SGCE: variants seen among roughly 807,000 people sequenced by gnomAD.
SGCE encodes epsilon-sarcoglycan.
In SGCE, 26 loss-of-function variants were observed where a neutral mutation model predicts 57.8. The ratio of observed to expected loss-of-function variants is 0.45; its 90% CI spans 0.33 to 0.62. The LOEUF (loss-of-function observed/expected upper bound fraction) is 0.62. Ranked by LOEUF, SGCE falls within the 20% of genes least tolerant of loss-of-function variation. The pLI, the probability that SGCE is intolerant of heterozygous loss-of-function variation, is 0.02. For synonymous variants in SGCE, 183 were observed against 189.5 expected (o/e 0.97, Z 0.28); for missense variants, 468 against 548.6 (o/e 0.85, Z 1.47).
chr7:94,615,365 AATAGATAGATAGATAGATAGATAG>A lies in SGCE; in HGVS notation c.662+3369_662+3392del, dbSNP rs3045711. On this transcript the variant is annotated intron_variant, in intron 5 of 10. Transcript: ENST00000648936. ...CAGAGCAAGACTCTGTCTCAAAATAAATAGATAGATAGATAGATAGATAGATAGATAGATAGATAGATAGATAGA... is the reference window on the plus strand; with the variant it reads ...CAGAGCAAGACTCTGTCTCAAAATAAATAGATAGATAGATAGATAGATAGA... 6.7e-3 allele frequency among the ~76,000 whole-genome samples: 959 copies of A among 142,306 alleles called. 11 individuals carry two copies. Among genetic ancestry groups the A allele is most frequent in the African/African-American group, 0.022 (834 of 37,902 alleles). 93.4% of individuals were successfully genotyped at this position (142,306 alleles called of 152,430 possible).
chr7:94,626,715 C>T (rs1239348567), intron 3 of SGCE: 1 of 151,840 alleles, frequency 6.6e-6, no homozygotes, highest in Non-Finnish European at 1.5e-5. Flanking sequence ...CTGGGACCTC[C>T]AATACATTCT....
At position 94,600,641 on chromosome 7, in the gene SGCE, C is replaced by T; in HGVS notation, c.1037+5G>A. 1 of 1,605,044 alleles carries T rather than the reference C, an allele frequency of 6.2e-7. No homozygotes were observed. The highest frequency in any genetic ancestry group is 8.5e-7 in the Non-Finnish European group (1 of 1,172,304). ...TAATTATCTTATTAGTTTTAAAGTA[C>T]TCACACGCCTTCCCGTCGGCAGCAC... On this transcript the variant is annotated splice_donor_5th_base_variant and intron_variant, in intron 7 of 10. Coordinates refer to ENST00000648936, the MANE Select transcript of SGCE (RefSeq NM_003919.3).
intron 1 of SGCE, among the ~76,000 whole-genome samples, chr7:94,644,340 G>C (rs544687673): frequency 2.0e-5 from 3 of 152,086 alleles, no homozygotes; most frequent in African/African-American, 7.2e-5. Flanking sequence ...GTCTTGTAGC[G>C]GCATGACTAC....
chr7:94,597,178 TTAA>T (rs1197145114), intron 9 of SGCE: 1 of 152,300 alleles, frequency 6.6e-6, no homozygotes, highest in Admixed American at 6.5e-5. Context: ...CCCTGATATA[TTAA>T]TGTTTCAAAA....
intron 5 of SGCE, among the ~76,000 whole-genome samples, chr7:94,608,009 A>G (rs561074825): frequency 3.3e-5 from 5 of 152,204 alleles, no homozygotes; most frequent in Non-Finnish European, 7.3e-5. Flanking sequence ...AATAAAGTCC[A>G]TCACTTTCCT....
chr7:94,600,192 T>C lies in SGCE; in HGVS notation c.1037+454A>G, dbSNP rs560745238. ...TATTTTCATTAATTTACTCCTAAGT[T>C]GGGTTTTAAAAATATATTTTAAACA... On this transcript the variant is annotated intron_variant, in intron 7 of 10. Transcript: ENST00000648936. The C allele has an allele frequency of 2.7e-5, 5 of 186,884 alleles. No homozygotes were observed. In the East Asian group the frequency reaches 7.4e-4, roughly 28 times the overall value. 11.6% of individuals were successfully genotyped at this position (186,884 alleles called of 1,614,324 possible). A position where few individuals can be genotyped will look rare whatever the true frequency, so the allele number is the denominator to read the frequency against.
At chr7:94,588,654 T>G (rs750390305) in intron 10 of SGCE, 35 bp downstream of exon 10, 5 of 1,571,918 alleles carry the variant, frequency 3.2e-6, no homozygotes, top group African/African-American at 2.7e-5. Flanking sequence ...ATTAGATTCA[T>G]TCATAAACAT....
Position 94,586,873 on chromosome 7 carries a change from G to A in SGCE, c.1298-1358C>T, listed in dbSNP as rs1004474944. ...CATAATTATAAAAAAAAATGCTAGG[G>A]TGGTCTCTCTCCCTTTGGCACTTAA... On this transcript the variant is annotated intron_variant, in intron 10 of 10. Coordinates refer to ENST00000648936, the MANE Select transcript of SGCE (RefSeq NM_003919.3). 6.1e-6 allele frequency: 6 copies of A among 985,014 alleles called. No homozygotes were observed. In the African/African-American group the frequency reaches 8.7e-5, roughly 14 times the overall value. The allele number at this position is 985,014 out of a possible 1,614,324, so 61.0% of individuals were successfully genotyped here. A position where few individuals can be genotyped will look rare whatever the true frequency, so the allele number is the denominator to read the frequency against.
chr7:94,613,271 C>T (rs1465469957), intron 5 of SGCE, among the ~76,000 whole-genome samples: 2 of 152,034 alleles, frequency 1.3e-5, no homozygotes, highest in East Asian at 3.9e-4. Flanking sequence ...TGTCTGAGTC[C>T]ATGTGTAATA....
chr7:94,602,597 CAAAG>C (rs893945037), intron 6 of SGCE, among the ~76,000 whole-genome samples: 6 of 149,672 alleles, frequency 4.0e-5, no homozygotes, highest in South Asian at 2.1e-4. Context: ...AAAAAAAAAA[CAAAG>C]AATTGAAACA....
intron 1 of SGCE, among the ~76,000 whole-genome samples, chr7:94,649,798 A>G (rs1433879838): frequency 6.6e-6 from 1 of 152,254 alleles, no homozygotes; most frequent in Non-Finnish European, 1.5e-5. Flanking sequence ...TCTAAGTGTG[A>G]GGCAGAAGTG....
At position 94,646,625 on chromosome 7, in the gene SGCE, C is replaced by A. The variant is rs151320994; in HGVS notation, c.109+9365G>T. 2.6e-5 allele frequency among the ~76,000 whole-genome samples: 4 copies of A among 152,134 alleles called. No homozygotes were observed. The East Asian group carries it at 7.7e-4, about 29-fold the overall frequency. ...GAAAAGCAGAATACAAAACAGTATA[C>A]AGGCACTATAAAATCTAGTGTAATA... On this transcript the variant is annotated intron_variant, in intron 1 of 10. Coordinates refer to ENST00000648936, the MANE Select transcript of SGCE (RefSeq NM_003919.3).
At chr7:94,644,783 T>C (rs1806838697) in intron 1 of SGCE, 3 of 248,894 alleles carry the variant, frequency 1.2e-5, no homozygotes, top group Admixed American at 5.3e-5. Context: ...TCCCTGACCC[T>C]CTACATTTTT....
intron 5 of SGCE, among the ~76,000 whole-genome samples, chr7:94,609,996 C>T (rs963625049): frequency 6.6e-6 from 1 of 152,116 alleles, no homozygotes; most frequent in Non-Finnish European, 1.5e-5. Flanking sequence ...AACCGTGGTA[C>T]ATCCAGAAAA....
chr7:94,588,974 C>G (rs1191924796), intron 9 of SGCE: 7 of 521,574 alleles, frequency 1.3e-5, no homozygotes, highest in African/African-American at 3.8e-5. Flanking sequence ...TAAAGTACCT[C>G]ACAACAACCC....
intron 1 of SGCE, among the ~76,000 whole-genome samples, chr7:94,644,960 A>C (rs914451444): frequency 3.3e-5 from 5 of 152,224 alleles, no homozygotes; most frequent in African/African-American, 1.2e-4. Flanking sequence ...AGGGTTGTAC[A>C]CATATTAACT....
intron 5 of SGCE, among the ~76,000 whole-genome samples, chr7:94,614,748 T>G (rs894591373): frequency 1.8e-4 from 27 of 152,212 alleles, no homozygotes; most frequent in African/African-American, 6.5e-4. Flanking sequence ...ATTTTAATTA[T>G]CTGATTATTT....
At chr7:94,636,432 G>T (rs556312334) in intron 1 of SGCE, among the ~76,000 whole-genome samples, 47 of 152,282 alleles carry the variant, frequency 3.1e-4, no homozygotes, top group African/African-American at 1.0e-3. Context: ...GCATGCATTT[G>T]CTCTCTTGGA....
intron 10 of SGCE, chr7:94,587,735 C>A: frequency 6.5e-7 from 1 of 1,532,746 alleles, no homozygotes; most frequent in African/African-American, 1.4e-5. Context: ...TTCTGATAAA[C>A]ATCTTGTAAT....
Sources: gnomAD v4.1 joint callset for allele counts (sites outside exome capture counted in the v4.1 genomes callset) on GRCh38, gnomAD v4.1.1 for gene constraint, MANE v1.5 for transcripts, NCBI Gene and HGNC (gene_info 2026-07-23, HGNC 2026-07-21) for gene names.